EPHA6: variants seen among roughly 807,000 people sequenced by gnomAD.
EPHA6 encodes EPH receptor A6, also known as ephrin type-A receptor 6.
Under a neutral mutation model 112.0 loss-of-function variants are expected in EPHA6, and 50 were observed. That is an observed-to-expected ratio of 0.45 (90% CI 0.36 to 0.56). The LOEUF (loss-of-function observed/expected upper bound fraction) is 0.56. EPHA6 is among the 20% of genes least tolerant of loss of function. EPHA6 has a pLI of 0.00. For missense variants in EPHA6, 1,280 were observed against 1,417.4 expected (o/e 0.90, Z 1.56); for synonymous variants, 529 against 490.7 (o/e 1.08, Z -1.03).
At chr3:97,504,054 T>G (rs9828412) in intron 10 of EPHA6, among the ~76,000 whole-genome samples, 5,238 of 152,280 alleles carry the variant, frequency 0.034, 309 homozygotes, top group African/African-American at 0.12. Flanking sequence ...TTATTTACTT[T>G]TCATAAGCTA....
intron 5 of EPHA6, among the ~76,000 whole-genome samples, chr3:97,328,060 T>TAC (rs1269884204): frequency 1.4e-5 from 2 of 143,788 alleles, no homozygotes; most frequent in Non-Finnish European, 3.0e-5. Flanking sequence ...TACACATATA[T>TAC]ATATATATAT....
chr3:97,610,789 G>T lies in EPHA6; in HGVS notation c.2513-4G>T, dbSNP rs771183980. The T allele has an allele frequency of 5.0e-6, 8 of 1,610,496 alleles. No homozygotes were observed. Among genetic ancestry groups the T allele is most frequent in the African/African-American group, 2.7e-5 (2 of 74,702 alleles). The stretch of plus-strand genomic sequence containing the variant: ...TCCATGTGTATTCTCTTGCTCTTTT[G>T]CAGGCAGACCAGTAATGATTGTGGT... On this transcript the variant is annotated splice_region_variant and splice_polypyrimidine_tract_variant and intron_variant, in intron 12 of 17. Transcript: ENST00000389672.
chr3:97,250,527 A>G (rs186778555), intron 5 of EPHA6, among the ~76,000 whole-genome samples: 76 of 152,342 alleles, frequency 5.0e-4, no homozygotes, highest in African/African-American at 1.8e-3. Flanking sequence ...ATCTGTACGA[A>G]TTAAAAAATA....
At position 97,133,326 on chromosome 3, in the gene EPHA6, T is replaced by C. The variant is rs183379349; in HGVS notation, c.1115-92938T>C. ...TTAAGCAACAAGGTTTTTTAAGATA[T>C]GTAAATCAATTAAAAACCATTGAAA... is the stretch of plus-strand genomic sequence containing the variant. On this transcript the variant is annotated intron_variant, in intron 3 of 17. Transcript: ENST00000389672. Among the ~76,000 whole-genome samples, 717 of 152,154 alleles carry C rather than the reference T, an allele frequency of 4.7e-3. 3 individuals carry two copies. The highest frequency in any genetic ancestry group is 0.015 in the African/African-American group (640 of 41,566).
intron 3 of EPHA6, among the ~76,000 whole-genome samples, chr3:97,187,305 C>T (rs888597591): frequency 3.9e-5 from 6 of 151,964 alleles, no homozygotes; most frequent in East Asian, 1.9e-4. Flanking sequence ...AAGCCGGGCA[C>T]GGTGGCTCAC....
At chr3:97,118,515 C>T (rs552206460) in intron 3 of EPHA6, among the ~76,000 whole-genome samples, 78 of 151,758 alleles carry the variant, frequency 5.1e-4, no homozygotes, top group Non-Finnish European at 9.3e-4. Context: ...AAGATCTTAC[C>T]TAACATACAT....
rs565673061 is a variant in EPHA6, at chr3:97,591,144, C to T, written c.2387-1468C>T. Among the ~76,000 whole-genome samples, 9 of 152,300 alleles carry T rather than the reference C, an allele frequency of 5.9e-5. No homozygotes were observed. In the South Asian group the frequency reaches 8.3e-4, roughly 14 times the overall value. On this transcript the variant is annotated intron_variant, in intron 11 of 17. Transcript: ENST00000389672. Reference sequence around the variant, plus strand: ...ATCAACAACAAAACTAGTTTATTCACTGTATTTAATTTTTTTTCTAAGCTT... The same window carrying T: ...ATCAACAACAAAACTAGTTTATTCATTGTATTTAATTTTTTTTCTAAGCTT...
intron 15 of EPHA6, among the ~76,000 whole-genome samples, chr3:97,724,482 C>G (rs943252528): frequency 6.6e-6 from 1 of 152,124 alleles, no homozygotes; most frequent in African/African-American, 2.4e-5. Flanking sequence ...AAATCCAGTT[C>G]TCAGTAGGCC....
chr3:97,122,765 A>T (rs1046314514), intron 3 of EPHA6, among the ~76,000 whole-genome samples: 2 of 152,052 alleles, frequency 1.3e-5, no homozygotes, highest in African/African-American at 4.8e-5. Flanking sequence ...TATACAAGCC[A>T]GTGAACATAG....
intron 2 of EPHA6, among the ~76,000 whole-genome samples, chr3:96,882,764 G>GTA (rs1290100652): frequency 2.8e-5 from 4 of 140,978 alleles, no homozygotes; most frequent in Middle Eastern, 3.6e-3. Flanking sequence ...GTGTGTGTGT[G>GTA]TGTGTATAGT....
In EPHA6 at chr3:96,844,346, C is replaced by T. The variant is rs2034941896; in HGVS notation, c.386-22479C>T. Reference sequence around the variant, plus strand: ...CCCTGTGTACTATTAGTTAAACTTCCCCTGACTGACTCTGTGACAACATAC... The same window carrying T: ...CCCTGTGTACTATTAGTTAAACTTCTCCTGACTGACTCTGTGACAACATAC... On this transcript the variant is annotated intron_variant, in intron 1 of 17. Coordinates refer to ENST00000389672, the MANE Select transcript of EPHA6 (RefSeq NM_001080448.3). Among the ~76,000 whole-genome samples, 5 of 152,060 alleles carry T rather than the reference C, an allele frequency of 3.3e-5. No homozygotes were observed. The South Asian group carries it at 1.0e-3, about 31-fold the overall frequency.
At chr3:96,943,190 T>A (rs564880501) in intron 2 of EPHA6, among the ~76,000 whole-genome samples, 1 of 152,148 alleles carries the variant, frequency 6.6e-6, no homozygotes, top group African/African-American at 2.4e-5. Flanking sequence ...CTGAATAATA[T>A]TCTTTTTTGT....
chr3:96,875,904 C>A (rs2036915510), intron 2 of EPHA6, among the ~76,000 whole-genome samples: 1 of 150,734 alleles, frequency 6.6e-6, no homozygotes, highest in African/African-American at 2.4e-5. Flanking sequence ...GTCTTTACTT[C>A]CAAGAGAAGT....
At chr3:97,084,803 A>G (rs1576459041) in intron 3 of EPHA6, among the ~76,000 whole-genome samples, 1 of 152,148 alleles carries the variant, frequency 6.6e-6, no homozygotes, top group South Asian at 2.1e-4. Flanking sequence ...AAGACTCAAC[A>G]TCATTAAAAT....
At chr3:97,379,267 A>G (rs1171951892) in intron 5 of EPHA6, among the ~76,000 whole-genome samples, 2 of 152,178 alleles carry the variant, frequency 1.3e-5, no homozygotes, top group Non-Finnish European at 2.9e-5. Flanking sequence ...AAGTCCAAGT[A>G]AGCCTCTTTT....
chr3:97,181,298 T>C (rs2076982261), intron 3 of EPHA6, among the ~76,000 whole-genome samples: 2 of 152,142 alleles, frequency 1.3e-5, no homozygotes, highest in Non-Finnish European at 2.9e-5. Flanking sequence ...TCAGTGCCTC[T>C]TTCAGCAATA....
At chr3:97,147,604 GTTTA>G (rs938466565) in intron 3 of EPHA6, among the ~76,000 whole-genome samples, 39 of 152,150 alleles carry the variant, frequency 2.6e-4, no homozygotes, top group East Asian at 1.2e-3. Flanking sequence ...TAAATATAAT[GTTTA>G]TTTATTTAAT....
intron 3 of EPHA6, among the ~76,000 whole-genome samples, chr3:97,056,754 A>G (rs1249870361): frequency 6.6e-6 from 1 of 152,226 alleles, no homozygotes; most frequent in Admixed American, 6.5e-5. Context: ...CTGGGTTTGC[A>G]ACGCGGCATC....
At chr3:97,337,461 TTCACTAGGCTAAAGAA>T (rs2083108164) in intron 5 of EPHA6, among the ~76,000 whole-genome samples, 2 of 152,146 alleles carry the variant, frequency 1.3e-5, no homozygotes. Flanking sequence ...TACTCCCCAT[TTCACTAGGCTAAAGAA>T]TGAAAAGATA....
Sources: gnomAD v4.1 joint callset for allele counts (sites outside exome capture counted in the v4.1 genomes callset) on GRCh38, gnomAD v4.1.1 for gene constraint, MANE v1.5 for transcripts, NCBI Gene and HGNC (gene_info 2026-07-23, HGNC 2026-07-21) for gene names.